The following ABCC8 variants were observed in gnomAD, a reference collection of about 807,000 sequenced individuals.
ABCC8 encodes the protein ATP binding cassette subfamily C member 8.
A neutral mutation model predicts 188.0 loss-of-function variants in ABCC8; 137 were observed. The observed-to-expected ratio is 0.73, with a 90% CI of 0.63 to 0.84. The LOEUF (loss-of-function observed/expected upper bound fraction) is 0.84, where lower values mean the gene tolerates loss of function less well. ABCC8 is among the 40% of genes least tolerant of loss of function. The probability of loss-of-function intolerance (pLI) is 0.00; values close to 1 mark genes in which losing one functional copy is unlikely to be tolerated. For synonymous variants in ABCC8, 797 were observed against 846.5 expected, an observed-to-expected ratio of 0.94 and a Z score of 1.01; for missense variants, 1,750 against 2,072.7, an observed-to-expected ratio of 0.84 and a Z score of 3.02.
chr11:17,410,211 C>T, intron 22 of ABCC8: 1 of 355,858 alleles, frequency 2.8e-6, no homozygotes, highest in Admixed American at 4.0e-5. Flanking sequence ...ATCAAAAGGG[C>T]AGGAATCAGA....
chr11:17,475,112 A>G (rs1305539349), intron 1 of ABCC8, 85 bp from the exon 2 acceptor site: 2 of 1,576,334 alleles, frequency 1.3e-6, no homozygotes, highest in East Asian at 2.3e-5. Context: ...GTGCTTGGGC[A>G]TTGGGTCCAT....
rs1331947551 is a variant in ABCC8, at chr11:17,427,869, C to T, written c.2114G>A (p.Arg705Gln). 20 of 1,613,886 alleles carry T rather than the reference C, an allele frequency of 1.2e-5. No individual in the cohort carries two copies. The African/African-American group carries it at 1.3e-4, about 11-fold the overall frequency. ...TGGAGGGGTGGACTGGGCCATACCTCGGGGGATACGAATGGTGATGTTGGA... is the reference window on the plus strand; with the variant it reads ...TGGAGGGGTGGACTGGGCCATACCTTGGGGGATACGAATGGTGATGTTGGA... ...TLSNITIRIPRGQLTMIVGQV... is the reference protein window; with the variant it reads ...TLSNITIRIPQGQLTMIVGQV... Residue 705 changes from arginine (R) to glutamine (Q), a missense_variant and splice_region_variant, in exon 15 of 39, where the codon CGA becomes CAA. Transcript: ENST00000389817. The surrounding 1 kb of genome is among the most constrained non-coding windows in gnomAD (Gnocchi z 5.0).
chr11:17,451,635 C>T (rs992494282), intron 7 of ABCC8, among the ~76,000 whole-genome samples: 3 of 152,246 alleles, frequency 2.0e-5, no homozygotes, highest in Non-Finnish European at 4.4e-5. Flanking sequence ...TTCTGAGGAA[C>T]ATTTCCAAAG....
chr11:17,456,723 C>T (rs1237916998), intron 6 of ABCC8, among the ~76,000 whole-genome samples: 1 of 152,210 alleles, frequency 6.6e-6, no homozygotes, highest in African/African-American at 2.4e-5. Context: ...AGTTCCTCAA[C>T]CTCTCTTAGC....
chr11:17,397,773 G>T lies in ABCC8; in HGVS notation c.3778C>A (p.Leu1260Ile), dbSNP rs374210402. The part of the protein sequence containing the change: ...RMEYIGACVV[L>I]IAAVTSISNS... Reference sequence around the variant, plus strand: ...GAGATGGAGGTCACCGCTGCGATGAGCACCACACATGCACCGATGTACTCC... The same window carrying T: ...GAGATGGAGGTCACCGCTGCGATGATCACCACACATGCACCGATGTACTCC... Residue 1260 changes from leucine to isoleucine, a missense_variant, in exon 31 of 39, where the codon CTC becomes ATC. Coordinates refer to ENST00000389817, the MANE Select transcript of ABCC8 (RefSeq NM_000352.6). The T allele has an allele frequency of 6.2e-7, 1 of 1,613,860 alleles. No homozygotes were observed. Among genetic ancestry groups the T allele is most frequent in the Non-Finnish European group, 8.5e-7 (1 of 1,180,002 alleles).
chr11:17,442,940 G>C, intron 9 of ABCC8, 58 bp from the exon 10 acceptor site: 1 of 1,604,480 alleles, frequency 6.2e-7, no homozygotes, highest in Non-Finnish European at 8.5e-7. Context: ...CACCCGAGAG[G>C]AAGGCCTGAG....
At chr11:17,436,521 G>A (rs574122072) in intron 10 of ABCC8, among the ~76,000 whole-genome samples, 4 of 152,158 alleles carry the variant, frequency 2.6e-5, no homozygotes, top group African/African-American at 9.7e-5. Flanking sequence ...CCAAGGTGAG[G>A]TGACTCACCT....
chr11:17,402,351 C>G (rs548337843), intron 29 of ABCC8, among the ~76,000 whole-genome samples: 1 of 152,154 alleles, frequency 6.6e-6, no homozygotes, highest in Non-Finnish European at 1.5e-5. Context: ...TAGGGTGGCC[C>G]GCACCTAAGG....
At chr11:17,450,520 G>A (rs1397207577) in intron 7 of ABCC8, among the ~76,000 whole-genome samples, 3 of 146,378 alleles carry the variant, frequency 2.0e-5, no homozygotes, top group Non-Finnish European at 3.0e-5. Flanking sequence ...TCAGCCTCCC[G>A]AGTAGCTGGG....
chr11:17,399,233 C>CT (rs1424581305), intron 29 of ABCC8: 1 of 138,488 alleles, frequency 7.2e-6, no homozygotes, highest in Non-Finnish European at 1.5e-5. Flanking sequence ...CCAAGATCAC[C>CT]TCACTGCACT....
At position 17,463,537 on chromosome 11, in the gene ABCC8, G is replaced by A. The variant is rs769858502; in HGVS notation, c.480C>T (p.His160=). 33 of 1,597,584 alleles carry A rather than the reference G, an allele frequency of 2.1e-5. No individual in the cohort carries two copies. In the East Asian group the frequency reaches 3.1e-4, roughly 15 times the overall value. ...AGCGTAGCTGCGAGAAGCCGATGGC[G>A]TGGTCCAAGAACTTGACAAACTTGA... The part of the protein sequence containing the change: ...KTIKFVKFLD[H]AIGFSQLRFC... The change falls in exon 4 of 39, where the codon CAC becomes CAT. Residue 160 remains histidine (H), a synonymous_variant. Coordinates refer to ENST00000389817, the MANE Select transcript of ABCC8 (RefSeq NM_000352.6).
intron 7 of ABCC8, among the ~76,000 whole-genome samples, chr11:17,450,243 T>G (rs1274272242): frequency 1.6e-4 from 8 of 50,700 alleles, no homozygotes; most frequent in Non-Finnish European, 2.9e-4. Context: ...CTTTCTTTTC[T>G]TTTTCTTTCT....
chr11:17,413,338 G>T (rs1165221738), intron 20 of ABCC8, 56 bp downstream of exon 20: 2 of 1,604,208 alleles, frequency 1.2e-6, no homozygotes, highest in South Asian at 2.2e-5. Context: ...GTGTCTCAGG[G>T]CATGGTAGGT....
intron 6 of ABCC8, among the ~76,000 whole-genome samples, chr11:17,454,722 A>G (rs1956930608): frequency 6.6e-6 from 1 of 152,188 alleles, no homozygotes. Context: ...CATGAAAAAA[A>G]GGAGTTTCAG....
intron 11 of ABCC8, 126 bp from the exon 12 acceptor site, chr11:17,431,085 T>C (rs1033900022): frequency 1.4e-6 from 2 of 1,453,780 alleles, no homozygotes; most frequent in East Asian, 2.5e-5. Context: ...GAGGATCTTT[T>C]AGTTGGAGAC....
At chr11:17,416,778 G>A in intron 17 of ABCC8, 152 bp downstream of exon 17, 2 of 1,228,012 alleles carry the variant, frequency 1.6e-6, no homozygotes, top group Non-Finnish European at 2.3e-6. Context: ...TGCCCTCATT[G>A]AGAATGCAGG....
chr11:17,394,233 G>C, intron 37 of ABCC8, 33 bp downstream of exon 37: 1 of 1,608,292 alleles, frequency 6.2e-7, no homozygotes, highest in Non-Finnish European at 8.5e-7. Context: ...CCCTTTCCAA[G>C]ACCATGGTCC....
At chr11:17,448,400 A>G in intron 8 of ABCC8, 116 bp downstream of exon 8, 2 of 927,670 alleles carry the variant, frequency 2.2e-6, no homozygotes, top group Non-Finnish European at 3.5e-6. Context: ...AGTGTGTGAA[A>G]GGTACAGGCA....
intron 10 of ABCC8, among the ~76,000 whole-genome samples, chr11:17,436,960 G>A (rs183396529): frequency 6.6e-6 from 1 of 151,968 alleles, no homozygotes; most frequent in Admixed American, 6.6e-5. Context: ...GCGTGGTGGC[G>A]CATACCTGTA....
Sources: gnomAD v4.1 joint callset for allele counts (sites outside exome capture counted in the v4.1 genomes callset) on GRCh38, gnomAD v4.1.1 for gene constraint, Gnocchi (gnomAD v3.1) non-coding constraint, MANE v1.5 for transcripts, NCBI Gene and HGNC (gene_info 2026-07-23, HGNC 2026-07-21) for gene names.